Variants in TENM3 observed in about 807,000 individuals in gnomAD.
TENM3 encodes teneurin transmembrane protein 3.
TENM3 carries 63 observed loss-of-function variants against 255.1 expected under a neutral mutation model. The ratio of observed to expected loss-of-function variants is 0.25; its 90% CI spans 0.20 to 0.30. The LOEUF is 0.30. TENM3 is among the 10% of genes least tolerant of loss of function. TENM3 has a pLI of 1.00. For synonymous variants in TENM3, 1,306 were observed against 1,322.3 expected, an observed-to-expected ratio of 0.99 and a Z score of 0.27; for missense variants, 2,929 against 3,461.1, an observed-to-expected ratio of 0.85 and a Z score of 3.86.
intron 3 of TENM3, among the ~76,000 whole-genome samples, chr4:182,445,942 A>G (rs1199105184): frequency 6.6e-6 from 1 of 152,232 alleles, no homozygotes; most frequent in Non-Finnish European, 1.5e-5. Flanking sequence ...TAGTAGAAGA[A>G]AACAGAAGTT....
At chr4:181,615,727 G>A in the TENM3 span, among the ~76,000 whole-genome samples, 4,531 of 152,232 alleles carry the variant, frequency 0.03, 224 homozygotes, top group African/African-American at 0.1. Flanking sequence ...AGGTCAGAGG[G>A]TACCTCGTGA....
At chr4:182,749,249 A>C (rs975949377) in intron 19 of TENM3, among the ~76,000 whole-genome samples, 3 of 152,162 alleles carry the variant, frequency 2.0e-5, no homozygotes, top group African/African-American at 7.2e-5. Context: ...GGGTATATTG[A>C]GTCTTCATTA....
chr4:181,765,125 G>A, the TENM3 span, among the ~76,000 whole-genome samples: 57 of 152,132 alleles, frequency 3.7e-4, no homozygotes, highest in African/African-American at 1.4e-3. Flanking sequence ...TACACTATTT[G>A]ATTCAGAAAG....
chr4:182,420,560 C>T (rs975229119), intron 3 of TENM3, among the ~76,000 whole-genome samples: 1 of 152,164 alleles, frequency 6.6e-6, no homozygotes, highest in Non-Finnish European at 1.5e-5. Context: ...TAGAACATGG[C>T]TACAATTTTT....
At chr4:182,109,218 T>TAATTATATTATATTTATATAATATATAA in the TENM3 span, among the ~76,000 whole-genome samples, 2 of 139,680 alleles carry the variant, frequency 1.4e-5, no homozygotes, top group African/African-American at 5.1e-5. Flanking sequence ...TATTTATATA[T>TAATTATATTATATTTATATAATATATAA]ATTATCATTT....
At chr4:182,490,820 A>C (rs1214642472) in intron 3 of TENM3, among the ~76,000 whole-genome samples, 1 of 152,136 alleles carries the variant, frequency 6.6e-6, no homozygotes, top group African/African-American at 2.4e-5. Context: ...CTCACACTGG[A>C]TGCTGAACTG....
At chr4:181,870,833 G>T in the TENM3 span, among the ~76,000 whole-genome samples, 139,096 of 152,092 alleles carry the variant, frequency 0.91, 64,806 homozygotes, top group East Asian at 1. Flanking sequence ...ATATTTTCTT[G>T]TGTTCTTGGT....
At chr4:181,909,228 A>G in the TENM3 span, among the ~76,000 whole-genome samples, 1 of 152,230 alleles carries the variant, frequency 6.6e-6, no homozygotes, top group Non-Finnish European at 1.5e-5. Flanking sequence ...ATAGGAGTTT[A>G]AATTCCAGTT....
intron 3 of TENM3, among the ~76,000 whole-genome samples, chr4:182,542,832 A>G (rs1042750413): frequency 6.6e-6 from 1 of 152,164 alleles, no homozygotes; most frequent in Admixed American, 6.5e-5. Context: ...TCAGGTGTCT[A>G]CTTTCCATAT....
the TENM3 span, among the ~76,000 whole-genome samples, chr4:181,956,358 A>G: frequency 4.6e-5 from 7 of 152,252 alleles, no homozygotes; most frequent in East Asian, 1.9e-4. Context: ...AGAATATTGC[A>G]TAAGTGTCTT....
At chr4:182,375,534 GTTTTTATTTTTATT>G in intron 3 of TENM3, among the ~76,000 whole-genome samples, 1 of 152,106 alleles carries the variant, frequency 6.6e-6, no homozygotes, top group South Asian at 2.1e-4. Context: ...GTTGTGGATG[GTTTTTATTTTTATT>G]TTTTTATTTT....
At chr4:181,886,949 G>A in the TENM3 span, among the ~76,000 whole-genome samples, 1 of 152,066 alleles carries the variant, frequency 6.6e-6, no homozygotes, top group Non-Finnish European at 1.5e-5. Context: ...TTTCCATTGA[G>A]CCAACGTAAA....
chr4:182,641,177 T>C (rs752556128), intron 5 of TENM3, among the ~76,000 whole-genome samples: 22 of 152,216 alleles, frequency 1.4e-4, no homozygotes, highest in Non-Finnish European at 2.8e-4. Flanking sequence ...TCAAGTTTCC[T>C]CTTGACATAC....
chr4:182,383,453 T>C (rs1767702533), intron 3 of TENM3, among the ~76,000 whole-genome samples: 1 of 151,796 alleles, frequency 6.6e-6, no homozygotes, highest in Non-Finnish European at 1.5e-5. Flanking sequence ...CAGCAGTTGT[T>C]TTAAAAAACA....
At chr4:181,738,257 G>A in the TENM3 span, among the ~76,000 whole-genome samples, 1 of 152,104 alleles carries the variant, frequency 6.6e-6, no homozygotes, top group Admixed American at 6.6e-5. Flanking sequence ...AATTTACAGT[G>A]TATACAGTAA....
intron 1 of TENM3, among the ~76,000 whole-genome samples, chr4:182,303,694 A>G (rs984877144): frequency 6.6e-6 from 1 of 152,176 alleles, no homozygotes; most frequent in Non-Finnish European, 1.5e-5. Flanking sequence ...ACAAGTTATT[A>G]AAAGAACCAA....
At chr4:181,605,486 GAAAGAAAGAAAGAAAGAA>G in the TENM3 span, among the ~76,000 whole-genome samples, 8 of 17,172 alleles carry the variant, frequency 4.7e-4, 1 homozygote, top group Admixed American at 1.3e-3. Context: ...AACAGAGAAA[GAAAGAAAGAAAGAAAGAA>G]AGAAAGAAAG....
chr4:182,541,728 G>C (rs1245084491), intron 3 of TENM3, among the ~76,000 whole-genome samples: 1 of 152,064 alleles, frequency 6.6e-6, no homozygotes, highest in African/African-American at 2.4e-5. Flanking sequence ...GCAAAATCTG[G>C]TTTTAAGTAA....
chr4:182,715,929 A>G (rs6552599), intron 13 of TENM3, among the ~76,000 whole-genome samples: 136,759 of 152,246 alleles, frequency 0.9, 62,050 homozygotes, highest in East Asian at 1. Context: ...AACTTGAGCC[A>G]CAAATTCTGA....
Sources: allele counts gnomAD v4.1 joint callset (sites outside exome capture counted in the v4.1 genomes callset), GRCh38; gene constraint gnomAD v4.1.1; transcripts MANE v1.5; gene names NCBI Gene and HGNC (gene_info 2026-07-23, HGNC 2026-07-21).